Variants in RCC1 observed in about 807,000 individuals in gnomAD.
The protein encoded by RCC1 is regulator of chromosome condensation 1.
RCC1 carries 11 observed loss-of-function variants against 44.4 expected under a neutral mutation model. That is an observed-to-expected ratio of 0.25 (90% CI 0.16 to 0.41). The LOEUF (loss-of-function observed/expected upper bound fraction) is 0.41. RCC1 is among the 10% of genes least tolerant of loss of function. RCC1 has a pLI of 1.00. For missense variants in RCC1, 386 were observed against 547.1 expected (o/e 0.71, Z 2.94); for synonymous variants, 213 against 216.5 (o/e 0.98, Z 0.14).
chr1:28,537,778 G>T, intron 12 of RCC1, 54 bp from the exon 13 acceptor site: 2 of 1,544,080 alleles, frequency 1.3e-6, no homozygotes, highest in Non-Finnish European at 8.7e-7. Flanking sequence ...TCCTGCTACA[G>T]AAAGGTGGGC....
chr1:28,511,142 A>G lies in RCC1; in HGVS notation c.-153+2237A>G, dbSNP rs1662507787. Among the ~76,000 whole-genome samples the G allele has an allele frequency of 2.0e-5, 3 of 152,212 alleles. No individual in the cohort carries two copies. In the South Asian group the frequency reaches 6.2e-4, roughly 32 times the overall value. On this transcript the variant is annotated intron_variant, in intron 3 of 12. Transcript: ENST00000683442. ...ATTGGTTGCCTATCTTAGGAGTACT[A>G]GACTGGGTTTGAATCCTGATCCCAC...
Position 28,538,021 on chromosome 1 carries a change from G to A in RCC1, c.*14G>A, listed in dbSNP as rs373074993. 85 of 1,609,606 alleles carry A rather than the reference G, an allele frequency of 5.3e-5. No homozygotes were observed. In the African/African-American group the frequency reaches 1.1e-3, roughly 21 times the overall value. The stretch of plus-strand genomic sequence containing the variant: ...GAACAGAGCTGATGAAGCCTCTGAG[G>A]GCCTGGCTTCTGTCCTGCACAACCT... On this transcript the variant is annotated 3_prime_UTR_variant, in exon 13 of 13. Coordinates refer to ENST00000683442, the MANE Select transcript of RCC1 (RefSeq NM_001381865.2).
chr1:28,506,076 T>C lies in RCC1; in HGVS notation c.-270T>C, dbSNP rs946041557. On this transcript the variant is annotated 5_prime_UTR_variant, in exon 1 of 13. Coordinates refer to ENST00000683442, the MANE Select transcript of RCC1 (RefSeq NM_001381865.2). Reference sequence around the variant, plus strand: ...GAGACAGATTCGCAGTGGTCGCTTCTTCTCCTTGGTAAGTGTGATCCTTGG... The same window carrying C: ...GAGACAGATTCGCAGTGGTCGCTTCCTCTCCTTGGTAAGTGTGATCCTTGG... 8.8e-6 allele frequency: 4 copies of C among 456,070 alleles called. No homozygotes were observed. The highest frequency in any genetic ancestry group is 6.2e-5 in the South Asian group (4 of 64,542). 28.3% of individuals were successfully genotyped at this position (456,070 alleles called of 1,614,324 possible). A position where few individuals can be genotyped will look rare whatever the true frequency, so the allele number is the denominator to read the frequency against.
At chr1:28,533,736 C>G (rs1338730273) in intron 7 of RCC1, among the ~76,000 whole-genome samples, 1 of 116,790 alleles carries the variant, frequency 8.6e-6, no homozygotes, top group African/African-American at 3.4e-5. Context: ...CGCCATTGCA[C>G]TCCAGCCTGG....
At position 28,535,657 on chromosome 1, in the gene RCC1, G is replaced by GT. The variant is rs761182475; in HGVS notation, c.662-213dup. The GT allele has an allele frequency of 1.1e-5, 8 of 758,046 alleles. No individual in the cohort carries two copies. The African/African-American group carries it at 1.2e-4, about 11-fold the overall frequency. 47.0% of individuals were successfully genotyped at this position (758,046 alleles called of 1,614,324 possible). On this transcript the variant is annotated intron_variant, in intron 9 of 12. Coordinates refer to ENST00000683442, the MANE Select transcript of RCC1 (RefSeq NM_001381865.2). ...TAATGAGAAGAATATCAGGCAGATG[G>GT]TAAGTTCCACGTAAATGATACCCGT...
Position 28,538,204 on chromosome 1 carries a change from T to A in RCC1, c.*197T>A. 1.1e-5 allele frequency: 4 copies of A among 377,364 alleles called. No individual in the cohort carries two copies. The highest frequency in any genetic ancestry group is 5.6e-5 in the East Asian group (1 of 17,768). 23.4% of individuals were successfully genotyped at this position (377,364 alleles called of 1,614,324 possible). A position where few individuals can be genotyped will look rare whatever the true frequency, so the allele number is the denominator to read the frequency against. ...TGGAATTTTCCTGGGACCTACAGAA[T>A]AAAGGGGGGGATGGACAGGGGGTTT... is the stretch of plus-strand genomic sequence containing the variant. On this transcript the variant is annotated 3_prime_UTR_variant, in exon 13 of 13. Coordinates refer to ENST00000683442, the MANE Select transcript of RCC1 (RefSeq NM_001381865.2).
intron 7 of RCC1, among the ~76,000 whole-genome samples, chr1:28,534,544 G>A (rs946889890): frequency 4.6e-5 from 7 of 152,234 alleles, no homozygotes; most frequent in Middle Eastern, 6.8e-3. Flanking sequence ...CAATGGCATC[G>A]TCTTAGCTCA....
At chr1:28,534,049 TG>T (rs1447819011) in intron 7 of RCC1, among the ~76,000 whole-genome samples, 1 of 150,880 alleles carries the variant, frequency 6.6e-6, no homozygotes, top group Non-Finnish European at 1.5e-5. Flanking sequence ...GGTTAATTTT[TG>T]TATTTTTAGT....
chr1:28,522,537 G>A (rs1171076110), intron 4 of RCC1, among the ~76,000 whole-genome samples: 2 of 151,856 alleles, frequency 1.3e-5, no homozygotes, highest in African/African-American at 4.9e-5. Context: ...GCCGGGCATG[G>A]TACCTCACGC....
chr1:28,533,829 TCTTTTC>T (rs1664348021), intron 7 of RCC1, among the ~76,000 whole-genome samples: 3 of 120,870 alleles, frequency 2.5e-5, no homozygotes, highest in Non-Finnish European at 3.3e-5. Flanking sequence ...TATATTTTTT[TCTTTTC>T]TTTTCTTTTC....
intron 1 of RCC1, chr1:28,507,420 A>C: frequency 1.9e-6 from 1 of 519,090 alleles, no homozygotes; most frequent in Non-Finnish European, 3.8e-6. Flanking sequence ...CAAGTGGCGT[A>C]GGGGAGCATA....
At chr1:28,516,250 A>G (rs1330809540) in intron 3 of RCC1, among the ~76,000 whole-genome samples, 1 of 152,178 alleles carries the variant, frequency 6.6e-6, no homozygotes, top group African/African-American at 2.4e-5. Flanking sequence ...GCGGAGGCTC[A>G]CGCCTGTAAG....
rs190190752 is a variant in RCC1, at chr1:28,506,924, A to G, written c.-262+840A>G. 597 of 164,622 alleles carry G rather than the reference A, an allele frequency of 3.6e-3. 3 individuals are homozygous for G. Among genetic ancestry groups the G allele is most frequent in the African/African-American group, 0.013 (546 of 41,588 alleles). The allele number at this position is 164,622 out of a possible 1,614,324, so 10.2% of individuals were successfully genotyped here. On this transcript the variant is annotated intron_variant, in intron 1 of 12. Transcript: ENST00000683442. ...ACCATGTTGGCCAGGCTGGTCTCCAACGCCTGACCTTGTGGTCCGCCACGC... is the reference window on the plus strand; with the variant it reads ...ACCATGTTGGCCAGGCTGGTCTCCAGCGCCTGACCTTGTGGTCCGCCACGC...
At chr1:28,509,025 G>A (rs776621650) in intron 3 of RCC1, 120 bp downstream of exon 3, 2 of 390,808 alleles carry the variant, frequency 5.1e-6, no homozygotes, top group Non-Finnish European at 1.0e-5. Context: ...CCAGGCTGTA[G>A]TGCAGTGGCG....
chr1:28,533,434 G>A (rs1234685197), intron 7 of RCC1, among the ~76,000 whole-genome samples: 1 of 146,730 alleles, frequency 6.8e-6, no homozygotes, highest in African/African-American at 2.5e-5. Context: ...TCGCGCCACT[G>A]CACTCCAGCC....
chr1:28,515,787 C>G (rs1308950801), intron 3 of RCC1, among the ~76,000 whole-genome samples: 1 of 150,586 alleles, frequency 6.6e-6, no homozygotes, highest in Non-Finnish European at 1.5e-5. Context: ...TTGCTCATGC[C>G]TGTAATCCCA....
chr1:28,535,004 G>T lies in RCC1; in HGVS notation c.442-46G>T, dbSNP rs116184327. ...CTGCCCTTCTGGATTTCACTGGCAC[G>T]GGGCAGGCAGGACTGGCTGATAAGT... On this transcript the variant is annotated intron_variant, in intron 7 of 12. Coordinates refer to ENST00000683442, the MANE Select transcript of RCC1 (RefSeq NM_001381865.2). The T allele has an allele frequency of 2.2e-5, 33 of 1,506,552 alleles. No individual in the cohort carries two copies. In the African/African-American group the frequency reaches 4.3e-4, roughly 19 times the overall value. 93.3% of individuals were successfully genotyped at this position (1,506,552 alleles called of 1,614,324 possible).
chr1:28,530,128 C>T (rs1664030980), intron 5 of RCC1, among the ~76,000 whole-genome samples, 189 bp downstream of exon 5: 1 of 149,804 alleles, frequency 6.7e-6, no homozygotes, highest in South Asian at 2.1e-4. Context: ...GGCAGAAACT[C>T]CTCTCAAAGC....
intron 5 of RCC1, chr1:28,530,725 G>A (rs1032075574): frequency 1.2e-6 from 1 of 847,328 alleles, no homozygotes; most frequent in Non-Finnish European, 1.8e-6. Context: ...GCTGCGGGTT[G>A]GGGGGCCGCC....
Sources: gnomAD v4.1 joint callset for allele counts (sites outside exome capture counted in the v4.1 genomes callset) on GRCh38, gnomAD v4.1.1 for gene constraint, MANE v1.5 for transcripts, NCBI Gene and HGNC (gene_info 2026-07-23, HGNC 2026-07-21) for gene names.